Variants in CCSER1 observed in about 807,000 individuals in gnomAD.
The protein encoded by CCSER1 is coiled-coil serine rich protein 1.
A neutral mutation model predicts 82.0 loss-of-function variants in CCSER1; 41 were observed. The ratio of observed to expected loss-of-function variants is 0.50; its 90% CI spans 0.39 to 0.65. CCSER1 has a LOEUF of 0.65. Among genes scored for constraint, CCSER1 ranks in the 30% least tolerant of loss-of-function variants. The pLI is 0.00. For synonymous variants in CCSER1, 414 were observed against 383.9 expected, an observed-to-expected ratio of 1.08 and a Z score of -0.92; for missense variants, 1,119 against 1,064.2, an observed-to-expected ratio of 1.05 and a Z score of -0.72.
At chr4:91,135,115 A>T (rs1310251695) in intron 10 of CCSER1, among the ~76,000 whole-genome samples, 1 of 152,116 alleles carries the variant, frequency 6.6e-6, no homozygotes, top group Non-Finnish European at 1.5e-5. Context: ...CTGACTACAA[A>T]AGAAAAAACA....
At chr4:90,559,635 A>G (rs1028136105) in intron 5 of CCSER1, among the ~76,000 whole-genome samples, 3 of 151,954 alleles carry the variant, frequency 2.0e-5, no homozygotes, top group African/African-American at 4.8e-5. Flanking sequence ...AGCCTGGGCA[A>G]TATGGCAAAA....
chr4:90,790,967 C>A (rs1165489896), intron 7 of CCSER1, among the ~76,000 whole-genome samples: 6 of 152,130 alleles, frequency 3.9e-5, no homozygotes, highest in African/African-American at 1.4e-4. Flanking sequence ...TGCTCTCATG[C>A]TGCTATGAAG....
intron 9 of CCSER1, among the ~76,000 whole-genome samples, chr4:90,935,471 C>CT (rs1472333893): frequency 6.6e-6 from 1 of 152,038 alleles, no homozygotes; most frequent in Non-Finnish European, 1.5e-5. Context: ...CCAAATAAAC[C>CT]TTTTTTAAAA....
intron 1 of CCSER1, among the ~76,000 whole-genome samples, chr4:90,253,050 G>A (rs1722675648): frequency 6.6e-6 from 1 of 151,796 alleles, no homozygotes; most frequent in African/African-American, 2.4e-5. Flanking sequence ...TCATATAATT[G>A]GTGATATGGT....
chr4:90,566,058 A>G (rs1030260019), intron 5 of CCSER1, among the ~76,000 whole-genome samples: 1 of 147,808 alleles, frequency 6.8e-6, no homozygotes, highest in Non-Finnish European at 1.5e-5. Flanking sequence ...TTAGTGGACC[A>G]TGTTAGTCAA....
intron 1 of CCSER1, among the ~76,000 whole-genome samples, chr4:90,176,474 T>C (rs899158325): frequency 5.9e-5 from 9 of 152,014 alleles, no homozygotes; most frequent in Non-Finnish European, 1.0e-4. Context: ...GGAAACAGTA[T>C]TGAACATACC....
chr4:90,571,138 A>G (rs945435666), intron 5 of CCSER1, among the ~76,000 whole-genome samples: 5 of 152,232 alleles, frequency 3.3e-5, no homozygotes, highest in Admixed American at 1.3e-4. Flanking sequence ...GTGGGGATGT[A>G]AATTAGTCCA....
At chr4:91,331,616 C>T (rs573251765) in intron 10 of CCSER1, among the ~76,000 whole-genome samples, 1 of 152,214 alleles carries the variant, frequency 6.6e-6, no homozygotes, top group African/African-American at 2.4e-5. Flanking sequence ...ACCTCCCTGA[C>T]TCTGTCAAGG....
At chr4:90,906,775 C>A (rs1029983271) in intron 8 of CCSER1, among the ~76,000 whole-genome samples, 1 of 151,858 alleles carries the variant, frequency 6.6e-6, no homozygotes. Flanking sequence ...TCTAGTGATG[C>A]AAGGGTTCTG....
intron 7 of CCSER1, among the ~76,000 whole-genome samples, chr4:90,783,470 T>C (rs1042833710): frequency 2.0e-5 from 3 of 152,012 alleles, no homozygotes; most frequent in African/African-American, 7.3e-5. Context: ...AGCTTGAGAG[T>C]AAGAAACTCC....
At chr4:91,399,683 C>T (rs1046759433) in intron 10 of CCSER1, among the ~76,000 whole-genome samples, 2 of 151,864 alleles carry the variant, frequency 1.3e-5, no homozygotes, top group Admixed American at 1.3e-4. Flanking sequence ...TGTTTCTTCT[C>T]CAATTCTCTC....
At chr4:90,968,385 C>T (rs1368486519) in intron 9 of CCSER1, among the ~76,000 whole-genome samples, 1 of 151,990 alleles carries the variant, frequency 6.6e-6, no homozygotes, top group East Asian at 1.9e-4. Context: ...GCAGGTGCTC[C>T]ATGTGTGCCC....
At chr4:90,254,820 A>C (rs57853206) in intron 1 of CCSER1, among the ~76,000 whole-genome samples, 6,814 of 152,206 alleles carry the variant, frequency 0.045, 394 homozygotes, top group African/African-American at 0.13. Flanking sequence ...TTTGCATGTC[A>C]TTAGGGAAAC....
At chr4:90,416,289 TG>T (rs1755776325) in intron 4 of CCSER1, among the ~76,000 whole-genome samples, 1 of 152,202 alleles carries the variant, frequency 6.6e-6, no homozygotes, top group Non-Finnish European at 1.5e-5. Flanking sequence ...AGTCTCTTTT[TG>T]TAAACCCTCT....
chr4:91,315,150 A>AGTGTGTGT (rs67135461), intron 10 of CCSER1, among the ~76,000 whole-genome samples: 14 of 149,682 alleles, frequency 9.4e-5, no homozygotes, highest in Middle Eastern at 7.0e-3. Context: ...CGTGTGTGCA[A>AGTGTGTGT]GTGTGTGTGT....
At chr4:91,509,761 C>G (rs74755799) in intron 10 of CCSER1, among the ~76,000 whole-genome samples, 11,987 of 151,742 alleles carry the variant, frequency 0.079, 600 homozygotes, top group South Asian at 0.18. Flanking sequence ...TTGGTTGTTT[C>G]TGTTGGTCAG....
chr4:91,381,137 C>A (rs1750857522), intron 10 of CCSER1, among the ~76,000 whole-genome samples: 1 of 152,134 alleles, frequency 6.6e-6, no homozygotes, highest in African/African-American at 2.4e-5. Flanking sequence ...GATGGGCTTC[C>A]CTTTGTGGGT....
chr4:91,047,351 A>G (rs901326067), intron 9 of CCSER1, among the ~76,000 whole-genome samples: 8 of 152,152 alleles, frequency 5.3e-5, no homozygotes, highest in Non-Finnish European at 7.3e-5. Flanking sequence ...TTCAATACCT[A>G]TTTATTTAGA....
At chr4:90,632,633 T>A (rs1724665212) in intron 6 of CCSER1, among the ~76,000 whole-genome samples, 1 of 152,122 alleles carries the variant, frequency 6.6e-6, no homozygotes, top group Non-Finnish European at 1.5e-5. Context: ...TCAGTAAACC[T>A]GTCTTTGGCC....
Sources: gnomAD v4.1 joint callset for allele counts (sites outside exome capture counted in the v4.1 genomes callset) on GRCh38, gnomAD v4.1.1 for gene constraint, MANE v1.5 for transcripts, NCBI Gene and HGNC (gene_info 2026-07-23, HGNC 2026-07-21) for gene names.